EXO1: variants seen among roughly 807,000 people sequenced by gnomAD.
EXO1 encodes the protein exonuclease 1.
Under a neutral mutation model 84.5 loss-of-function variants are expected in EXO1, and 69 were observed. The ratio of observed to expected loss-of-function variants is 0.82; its 90% CI spans 0.67 to 1.00. The LOEUF is 1.00. Among genes scored for constraint, EXO1 ranks in the 50% least tolerant of loss-of-function variants. EXO1 has a pLI of 0.00. For missense variants in EXO1, 1,045 were observed against 1,000.7 expected (o/e 1.04, Z -0.60); for synonymous variants, 373 against 366.1 (o/e 1.02, Z -0.21).
chr1:241,871,374 T>G (rs1662082241), intron 11 of EXO1, among the ~76,000 whole-genome samples: 1 of 152,248 alleles, frequency 6.6e-6, no homozygotes, highest in African/African-American at 2.4e-5. Context: ...CTGTTCAGAC[T>G]CAGAATTAGT....
chr1:241,881,900 G>T lies in EXO1; in HGVS notation c.2110-16G>T. On this transcript the variant is annotated splice_polypyrimidine_tract_variant and intron_variant, in intron 13 of 15. Transcript: ENST00000366548. ...AAAATCTAATTTTATTTTATTTTTT[G>T]ATCTGGGGACTCTAGGAATCTGATT... 2 of 1,279,996 alleles carry T rather than the reference G, an allele frequency of 1.6e-6. No homozygotes were observed. Among genetic ancestry groups the T allele is most frequent in the Middle Eastern group, 1.9e-4 (1 of 5,366 alleles). 79.3% of individuals were successfully genotyped at this position (1,279,996 alleles called of 1,614,324 possible). A position where few individuals can be genotyped will look rare whatever the true frequency, so the allele number is the denominator to read the frequency against.
In EXO1 at chr1:241,882,532, T is replaced by TATAAATATAAA. The variant is rs1394502860; in HGVS notation, c.2211+515_2211+516insATAAATATAAA. Among the ~76,000 whole-genome samples, 4 of 152,302 alleles carry TATAAATATAAA rather than the reference T, an allele frequency of 2.6e-5. No individual in the cohort carries two copies. The East Asian group carries it at 7.7e-4, about 29-fold the overall frequency. On this transcript the variant is annotated intron_variant, in intron 14 of 15. Transcript: ENST00000366548. The stretch of plus-strand genomic sequence containing the variant: ...GAATCAAAATATATAAATATTTGTG[T>TATAAATATAAA]TACTACATAGTAAAGCATATTTTAT...
intron 10 of EXO1, among the ~76,000 whole-genome samples, chr1:241,863,545 AGTG>A (rs1661522605): frequency 2.0e-5 from 3 of 152,178 alleles, no homozygotes; most frequent in African/African-American, 7.2e-5. Flanking sequence ...GAAAAAAAGA[AGTG>A]AGCCTGGAAA....
At chr1:241,879,624 G>A (rs1366492318) in intron 13 of EXO1, among the ~76,000 whole-genome samples, 2 of 152,082 alleles carry the variant, frequency 1.3e-5, no homozygotes, top group African/African-American at 4.8e-5. Context: ...TTAAAACCGA[G>A]GCAGAGTGAT....
chr1:241,849,304 T>A (rs4149855), intron 3 of EXO1, 88 bp downstream of exon 3: 16,132 of 152,312 alleles, frequency 0.11, 1,033 homozygotes, highest in Admixed American at 0.2. Flanking sequence ...TATGAAATGC[T>A]AAGCAACTGC....
intron 12 of EXO1, among the ~76,000 whole-genome samples, chr1:241,876,813 A>G (rs12130723): frequency 0.038 from 5,753 of 152,180 alleles, 158 homozygotes; most frequent in Non-Finnish European, 0.056. Flanking sequence ...CAGTTGATAT[A>G]ATGGATTGGA....
At chr1:241,852,195 C>A in intron 4 of EXO1, 97 bp from the exon 5 acceptor site, 2 of 1,078,358 alleles carry the variant, frequency 1.9e-6, no homozygotes, top group East Asian at 2.4e-5. Flanking sequence ...AAATAAAAAA[C>A]CTTCTCTTTC....
rs79246221 is a variant in EXO1, at chr1:241,868,450, A to G, written c.1267+1395A>G. The stretch of plus-strand genomic sequence containing the variant: ...TCCAAAGCTGCAGCTTCTCTGCTCA[A>G]AGGGTCTTACTAGTTCAGAATACAT... On this transcript the variant is annotated intron_variant, in intron 11 of 15. Coordinates refer to ENST00000366548, the MANE Select transcript of EXO1 (RefSeq NM_130398.4). 5.4e-3 allele frequency among the ~76,000 whole-genome samples: 822 copies of G among 152,208 alleles called. 5 individuals carry two copies. The highest frequency in any genetic ancestry group is 0.019 in the African/African-American group (785 of 41,526).
At position 241,853,237 on chromosome 1, in the gene EXO1, T is replaced by C. The variant is rs945976831; in HGVS notation, c.282-121T>C. 7 of 1,030,578 alleles carry C rather than the reference T, an allele frequency of 6.8e-6. No homozygotes were observed. The South Asian group carries it at 9.2e-5, about 14-fold the overall frequency. The allele number at this position is 1,030,578 out of a possible 1,614,324, so 63.8% of individuals were successfully genotyped here. A position where few individuals can be genotyped will look rare whatever the true frequency, so the allele number is the denominator to read the frequency against. On this transcript the variant is annotated intron_variant, in intron 5 of 15. Transcript: ENST00000366548. The stretch of plus-strand genomic sequence containing the variant: ...ATGTTCTCAAGGGCCTGGTGTGTAC[T>C]TTCTAATGAGTCAAAAACTTTTTTC...
At chr1:241,860,946 C>T (rs1661348747) in intron 9 of EXO1, among the ~76,000 whole-genome samples, 1 of 152,168 alleles carries the variant, frequency 6.6e-6, no homozygotes, top group Non-Finnish European at 1.5e-5. Context: ...CTGACAGTAG[C>T]ATGCACAGGG....
chr1:241,853,736 G>C (rs1039536081), intron 6 of EXO1, among the ~76,000 whole-genome samples: 3 of 152,080 alleles, frequency 2.0e-5, no homozygotes, highest in African/African-American at 7.2e-5. Flanking sequence ...AACAGGGCCA[G>C]GCACGGTGGC....
At chr1:241,872,949 G>A (rs1416971067) in intron 12 of EXO1, among the ~76,000 whole-genome samples, 7 of 152,130 alleles carry the variant, frequency 4.6e-5, no homozygotes, top group African/African-American at 1.4e-4. Context: ...CACAATGGTT[G>A]AATTAATTCA....
chr1:241,867,182 T>C (rs918947668), intron 11 of EXO1, 127 bp downstream of exon 11: 2 of 749,310 alleles, frequency 2.7e-6, no homozygotes, highest in Non-Finnish European at 4.7e-6. Context: ...TATTAGTCCA[T>C]TTTCACCCTG....
At chr1:241,871,977 A>T (rs1170910615) in intron 11 of EXO1, 55 bp from the exon 12 acceptor site, 1 of 1,497,102 alleles carries the variant, frequency 6.7e-7, no homozygotes, top group Non-Finnish European at 9.3e-7. Context: ...AGTTAAGGCC[A>T]AATCTCTAAG....
chr1:241,884,856 G>C (rs4149994), intron 14 of EXO1, among the ~76,000 whole-genome samples: 1,564 of 152,296 alleles, frequency 0.01, 15 homozygotes, highest in Non-Finnish European at 0.018. Context: ...TTCTGTAATA[G>C]ACTTTTATAA....
At chr1:241,877,977 T>C (rs1662494445) in intron 12 of EXO1, among the ~76,000 whole-genome samples, 1 of 152,190 alleles carries the variant, frequency 6.6e-6, no homozygotes, top group African/African-American at 2.4e-5. Flanking sequence ...TAGTTGTCAA[T>C]TGTCCTTTTG....
In EXO1 at chr1:241,866,930, C is replaced by T. The variant is rs773451365; in HGVS notation, c.1142C>T (p.Ser381Leu). Residue 381 changes from serine to leucine, a missense_variant, in exon 11 of 16, where the codon TCG becomes TTG. Transcript: ENST00000366548. ...WHRNYSPRPE[S>L]GTVSDAPQLK... ...AGGAATTACTCTCCCAGACCAGAGTCGGGTACTGTTTCAGATGCCCCACAA... is the reference window on the plus strand; with the variant it reads ...AGGAATTACTCTCCCAGACCAGAGTTGGGTACTGTTTCAGATGCCCCACAA... 10 of 1,613,798 alleles carry T rather than the reference C, an allele frequency of 6.2e-6. No homozygotes were observed. Among genetic ancestry groups the T allele is most frequent in the South Asian group, 4.4e-5 (4 of 91,058 alleles).
intron 15 of EXO1, among the ~76,000 whole-genome samples, chr1:241,887,445 T>C (rs929285079): frequency 5.9e-5 from 9 of 152,228 alleles, no homozygotes; most frequent in African/African-American, 2.2e-4. Flanking sequence ...AATATTGATA[T>C]ATTTTATTAT....
In EXO1 at chr1:241,850,570, G is replaced by A. The variant is rs1558119440; in HGVS notation, c.145G>A (p.Gly49Ser). The A allele has an allele frequency of 6.2e-7, 1 of 1,613,722 alleles. No individual in the cohort carries two copies. The highest frequency in any genetic ancestry group is 8.5e-7 in the Non-Finnish European group (1 of 1,179,868). ...AIACAEKLAK[G>S]EPTDRYVGFC... ...TGCTTGTGCTGAAAAACTAGCCAAA[G>A]GTGAACCTACTGATAGGTAAGTCTG... The change falls in exon 4 of 16, where the codon GGT becomes AGT. Residue 49 changes from glycine (G) to serine (S), a missense_variant. By Grantham distance (56) the Gly-to-Ser change is moderately conservative. Transcript: ENST00000366548.
Sources: gnomAD v4.1 joint callset for allele counts (sites outside exome capture counted in the v4.1 genomes callset) on GRCh38, gnomAD v4.1.1 for gene constraint, MANE v1.5 for transcripts, NCBI Gene and HGNC (gene_info 2026-07-23, HGNC 2026-07-21) for gene names.